Variants in INPP4B observed in about 807,000 individuals in gnomAD.
INPP4B encodes the protein inositol polyphosphate-4-phosphatase type II B.
In INPP4B, 55 loss-of-function variants were observed where a neutral mutation model predicts 122.5. That is an observed-to-expected ratio of 0.45 (90% CI 0.36 to 0.56). INPP4B has a LOEUF of 0.56. Ranked by LOEUF, INPP4B falls within the 20% of genes least tolerant of loss-of-function variation. The probability of loss-of-function intolerance (pLI) is 0.00; values close to 1 mark genes in which losing one functional copy is unlikely to be tolerated. For missense variants in INPP4B, 1,000 were observed against 1,097.7 expected (o/e 0.91, Z 1.26); for synonymous variants, 403 against 388.7 (o/e 1.04, Z -0.43).
chr4:142,100,149 C>T (rs1169407339), intron 23 of INPP4B, among the ~76,000 whole-genome samples: 1 of 152,138 alleles, frequency 6.6e-6, no homozygotes, highest in Admixed American at 6.6e-5. Context: ...GTACCATTCC[C>T]ATTCTGCTCT....
chr4:142,218,670 C>T (rs1848260302), intron 12 of INPP4B, among the ~76,000 whole-genome samples: 1 of 152,044 alleles, frequency 6.6e-6, no homozygotes, highest in South Asian at 2.1e-4. Context: ...ATAAAAATAG[C>T]TGTAGAACTT....
intron 11 of INPP4B, among the ~76,000 whole-genome samples, chr4:142,244,378 C>A (rs921020863): frequency 6.9e-6 from 1 of 145,936 alleles, no homozygotes; most frequent in Non-Finnish European, 1.5e-5. Context: ...CGGCTCACTG[C>A]AAGCTCCGCC....
At chr4:142,042,508 A>ATGTGTGTATG (rs1201115529) in intron 25 of INPP4B, among the ~76,000 whole-genome samples, 26 of 142,432 alleles carry the variant, frequency 1.8e-4, no homozygotes, top group African/African-American at 6.4e-4. Context: ...CTGCCAATTT[A>ATGTGTGTATG]TGTGTGTGTG....
chr4:142,080,387 C>G (rs1435094453), intron 25 of INPP4B, among the ~76,000 whole-genome samples: 1 of 151,988 alleles, frequency 6.6e-6, no homozygotes, highest in Admixed American at 6.6e-5. Context: ...AAATACAGGC[C>G]AACACTCACA....
intron 12 of INPP4B, among the ~76,000 whole-genome samples, chr4:142,226,133 A>C (rs1196612343): frequency 6.6e-6 from 1 of 152,236 alleles, no homozygotes; most frequent in African/African-American, 2.4e-5. Context: ...TAAAAGTTTT[A>C]CTGGTGGTAG....
intron 15 of INPP4B, among the ~76,000 whole-genome samples, chr4:142,174,950 A>T (rs577403380): frequency 2.0e-5 from 3 of 152,180 alleles, no homozygotes; most frequent in East Asian, 3.9e-4. Flanking sequence ...TCTAGGAACT[A>T]ATCAAGCACA....
chr4:142,268,333 A>AAAAAAC (rs1743950905), intron 10 of INPP4B, among the ~76,000 whole-genome samples: 1 of 139,934 alleles, frequency 7.1e-6, no homozygotes, highest in Non-Finnish European at 1.6e-5. Flanking sequence ...AAAAAAAAAA[A>AAAAAAC]AAAAAAAAAA....
chr4:142,745,369 G>C (rs1768555070), intron 1 of INPP4B, among the ~76,000 whole-genome samples: 1 of 151,812 alleles, frequency 6.6e-6, no homozygotes, highest in Admixed American at 6.6e-5. Context: ...ACTAGACTAA[G>C]ACTAAACAAG....
intron 9 of INPP4B, among the ~76,000 whole-genome samples, chr4:142,290,426 G>A (rs977876292): frequency 4.0e-5 from 6 of 151,566 alleles, no homozygotes; most frequent in African/African-American, 1.5e-4. Context: ...CAGGCTGGTC[G>A]TGAACTCCTG....
chr4:142,527,251 A>G (rs543260786), intron 2 of INPP4B, among the ~76,000 whole-genome samples: 1 of 151,772 alleles, frequency 6.6e-6, no homozygotes, highest in South Asian at 2.1e-4. Context: ...ATAATAAAAT[A>G]TAAATAAAAT....
chr4:142,648,815 C>G (rs1560916701), intron 2 of INPP4B, among the ~76,000 whole-genome samples: 1 of 152,166 alleles, frequency 6.6e-6, no homozygotes, highest in Non-Finnish European at 1.5e-5. Context: ...CAGCAACGTC[C>G]CTGTCTGACA....
chr4:142,574,180 T>C (rs776629636), intron 2 of INPP4B, among the ~76,000 whole-genome samples: 7 of 152,070 alleles, frequency 4.6e-5, no homozygotes, highest in Admixed American at 6.6e-5. Context: ...TATCCAGCTG[T>C]TTCCAGCTAA....
intron 2 of INPP4B, among the ~76,000 whole-genome samples, chr4:142,604,660 CAA>C (rs1238610952): frequency 6.6e-6 from 1 of 151,638 alleles, no homozygotes. Context: ...TAAATTTAAC[CAA>C]AGAGGTGAAA....
At chr4:142,350,199 A>C (rs1781528877) in intron 7 of INPP4B, among the ~76,000 whole-genome samples, 1 of 152,028 alleles carries the variant, frequency 6.6e-6, no homozygotes, top group African/African-American at 2.4e-5. Context: ...TCAGAGATGT[A>C]ATTTGTAATG....
chr4:142,791,705 A>G (rs1776580201), intron 1 of INPP4B, among the ~76,000 whole-genome samples: 1 of 152,004 alleles, frequency 6.6e-6, no homozygotes, highest in Non-Finnish European at 1.5e-5. Context: ...ATCCTCAGGG[A>G]TCATGAATGG....
intron 9 of INPP4B, among the ~76,000 whole-genome samples, chr4:142,299,503 A>G (rs1023709351): frequency 6.6e-6 from 1 of 150,588 alleles, no homozygotes; most frequent in South Asian, 2.1e-4. Flanking sequence ...CATTGCTTTT[A>G]GGTCTTATGA....
chr4:142,252,576 A>G (rs1297011156), intron 11 of INPP4B, among the ~76,000 whole-genome samples: 1 of 152,206 alleles, frequency 6.6e-6, no homozygotes, highest in African/African-American at 2.4e-5. Flanking sequence ...TATCACATAT[A>G]TTTTAACAGT....
At chr4:142,658,103 TGTTAA>T (rs913427587) in intron 2 of INPP4B, among the ~76,000 whole-genome samples, 3 of 152,242 alleles carry the variant, frequency 2.0e-5, no homozygotes, top group African/African-American at 7.2e-5. Context: ...ATTAAGGTTA[TGTTAA>T]GTTATTGTAA....
At chr4:142,465,655 ATGTT>A (rs1286489678) in intron 2 of INPP4B, among the ~76,000 whole-genome samples, 1 of 151,886 alleles carries the variant, frequency 6.6e-6, no homozygotes, top group Non-Finnish European at 1.5e-5. Context: ...TGGGGTTTGG[ATGTT>A]TGTCAACTCC....
Sources: allele counts gnomAD v4.1 joint callset (sites outside exome capture counted in the v4.1 genomes callset), GRCh38; gene constraint gnomAD v4.1.1; transcripts MANE v1.5; gene names NCBI Gene and HGNC (gene_info 2026-07-23, HGNC 2026-07-21).